Variants in GHITM observed in about 807,000 individuals in gnomAD.
GHITM encodes the protein growth hormone inducible transmembrane protein.
GHITM carries 24 observed loss-of-function variants against 38.7 expected under a neutral mutation model. That is an observed-to-expected ratio of 0.62 (90% CI 0.45 to 0.87). The LOEUF (loss-of-function observed/expected upper bound fraction) is 0.87. GHITM is among the 40% of genes least tolerant of loss of function. The pLI is 0.00. For missense variants in GHITM, 420 were observed against 429.8 expected (o/e 0.98, Z 0.20); for synonymous variants, 154 against 147.8 (o/e 1.04, Z -0.30).
At chr10:84,140,416 G>A (rs1334527785) in intron 1 of GHITM, 1 of 152,088 alleles carries the variant, frequency 6.6e-6, no homozygotes, top group African/African-American at 2.4e-5. Context: ...TTATTCCTAG[G>A]GGTAGAATCA....
rs763265490 is a variant in GHITM, at chr10:84,139,599, G to T, written c.-40+6G>T. 3 of 152,356 alleles carry T rather than the reference G, an allele frequency of 2.0e-5. No homozygotes were observed. Among genetic ancestry groups the T allele is most frequent in the Admixed American group, 6.5e-5 (1 of 15,290 alleles). 9.4% of individuals were successfully genotyped at this position (152,356 alleles called of 1,614,324 possible). ...GAAGGTGACCGGGGACCGAGGTACT[G>T]CTCCGGCTGGCCGGCGGGCGCCCGG... On this transcript the variant is annotated splice_donor_region_variant and intron_variant, in intron 1 of 8. Transcript: ENST00000372134.
At chr10:84,145,773 C>T (rs1240073280) in intron 5 of GHITM, among the ~76,000 whole-genome samples, 2 of 152,208 alleles carry the variant, frequency 1.3e-5, no homozygotes, top group East Asian at 1.9e-4. Flanking sequence ...GAATAAGTGG[C>T]ACAGATACGC....
rs765617782 is a variant in GHITM, at chr10:84,145,009, C to T, written c.476C>T (p.Ser159Phe). ...CTCATGAACTTCATGATGAGAGGCT[C>T]TTGGGTGGTAAGTCAGCTGTTTTTG... is the stretch of plus-strand genomic sequence containing the variant. ...PVLMNFMMRG[S>F]WVTIGVTFAA... Residue 159 changes from serine to phenylalanine, a missense_variant, in exon 5 of 9, where the codon TCT (serine) becomes TTT (phenylalanine). By Grantham distance (155) the Ser-to-Phe change is radical. Transcript: ENST00000372134. 19 of 1,595,026 alleles carry T rather than the reference C, an allele frequency of 1.2e-5. No homozygotes were observed. Among genetic ancestry groups the T allele is most frequent in the Middle Eastern group, 1.7e-4 (1 of 5,994 alleles).
intron 3 of GHITM, 110 bp downstream of exon 3, chr10:84,142,864 A>G (rs1841521122): frequency 1.7e-5 from 9 of 541,054 alleles, no homozygotes; most frequent in Non-Finnish European, 3.0e-5. Flanking sequence ...TGGGAAGACC[A>G]CATTATTATT....
intron 8 of GHITM, among the ~76,000 whole-genome samples, 153 bp from the exon 9 acceptor site, chr10:84,152,111 C>T (rs945363007): frequency 2.0e-5 from 3 of 152,116 alleles, no homozygotes; most frequent in African/African-American, 7.2e-5. Flanking sequence ...ATTTTCTAGT[C>T]TAGTACTTCA....
At chr10:84,142,590 A>G in intron 2 of GHITM, 65 bp from the exon 3 acceptor site, 1 of 1,011,714 alleles carries the variant, frequency 9.9e-7, no homozygotes, top group Non-Finnish European at 1.5e-6. Context: ...GGGATCTTGC[A>G]TTTTATTTTA....
intron 7 of GHITM, 126 bp downstream of exon 7, chr10:84,150,369 C>T: frequency 2.8e-6 from 2 of 714,586 alleles, no homozygotes; most frequent in Non-Finnish European, 4.4e-6. Flanking sequence ...GCTAATTTGA[C>T]TGGATTTTAC....
chr10:84,141,281 A>G (rs1039725846), intron 1 of GHITM, among the ~76,000 whole-genome samples, 181 bp from the exon 2 acceptor site: 3 of 152,218 alleles, frequency 2.0e-5, no homozygotes, highest in Non-Finnish European at 4.4e-5. Context: ...GGTTTCTTGC[A>G]TTACAGTGGA....
intron 6 of GHITM, among the ~76,000 whole-genome samples, chr10:84,149,724 T>C (rs1196045897): frequency 6.6e-6 from 1 of 152,204 alleles, no homozygotes; most frequent in Non-Finnish European, 1.5e-5. Context: ...TTTAAGCTTG[T>C]TTATCTCAAT....
chr10:84,150,873 A>T lies in GHITM; in HGVS notation c.946A>T (p.Ile316Phe). 6.3e-7 allele frequency: 1 copy of T among 1,594,698 alleles called. No individual in the cohort carries two copies. ...GTATGGAGTTCAAAAATATGATCCC[A>T]TTAACTCGTAAGTAATGCTTTTTAT... ...PMYGVQKYDPINSMLSIYMDT... is the reference protein window; with the variant it reads ...PMYGVQKYDPFNSMLSIYMDT... The change falls in exon 8 of 9, where the codon ATT becomes TTT. Residue 316 changes from isoleucine to phenylalanine, a missense_variant. Physicochemically the swap from Ile to Phe is conservative, Grantham distance 21 (BLOSUM62 0). Transcript: ENST00000372134.
rs761095436 is a variant in GHITM at position 84,152,367 on chromosome 10, T to G, written c.*19T>G. The G allele has an allele frequency of 1.4e-6, 2 of 1,413,910 alleles. No homozygotes were observed. Among genetic ancestry groups the G allele is most frequent in the Non-Finnish European group, 2.0e-6 (2 of 1,001,576 alleles). 87.6% of individuals were successfully genotyped at this position (1,413,910 alleles called of 1,614,324 possible). A position where few individuals can be genotyped will look rare whatever the true frequency, so the allele number is the denominator to read the frequency against. The stretch of plus-strand genomic sequence containing the variant: ...GAAATGAAGTGACTCAGCTTCTGGC[T>G]TCTCTGCTACATCAAATATCTTGTT... On this transcript the variant is annotated 3_prime_UTR_variant, in exon 9 of 9. Coordinates refer to ENST00000372134, the MANE Select transcript of GHITM (RefSeq NM_014394.3).
Position 84,141,485 on chromosome 10 carries a change from C to T in GHITM, c.-16C>T. 1 of 1,612,736 alleles carries T rather than the reference C, an allele frequency of 6.2e-7. No homozygotes were observed. On this transcript the variant is annotated 5_prime_UTR_variant, in exon 2 of 9. Coordinates refer to ENST00000372134, the MANE Select transcript of GHITM (RefSeq NM_014394.3). ...AGCATTTCAGATCTGCTCGGTAGAC[C>T]TGGTGCACCACCACCATGTTGGCTG...
chr10:84,144,202 G>T (rs1841534681), intron 4 of GHITM, 96 bp downstream of exon 4: 1 of 754,594 alleles, frequency 1.3e-6, no homozygotes, highest in East Asian at 2.5e-5. Context: ...AGTCACTTTG[G>T]AATGTTTTGT....
chr10:84,152,437 G>A lies in GHITM; in HGVS notation c.*89G>A, dbSNP rs191920969. The A allele has an allele frequency of 7.8e-5, 51 of 656,392 alleles. No individual in the cohort carries two copies. The highest frequency in any genetic ancestry group is 3.9e-4 in the Admixed American group (14 of 35,606). The allele number at this position is 656,392 out of a possible 1,614,324, so 40.7% of individuals were successfully genotyped here. ...TAAATAGTTTGTACAAGCAGCTTTC[G>A]TTGAAGTTTAGAAGATAAGAAACAT... On this transcript the variant is annotated 3_prime_UTR_variant, in exon 9 of 9. Transcript: ENST00000372134.
intron 4 of GHITM, 143 bp from the exon 5 acceptor site, chr10:84,144,732 T>C (rs573597372): frequency 1.9e-6 from 1 of 519,900 alleles, no homozygotes. Context: ...TATGCATAAT[T>C]ATCATAATTA....
chr10:84,152,557 A>G lies in GHITM; in HGVS notation c.*209A>G. 1 of 395,904 alleles carries G rather than the reference A, an allele frequency of 2.5e-6. No individual in the cohort carries two copies. Among genetic ancestry groups the G allele is most frequent in the Non-Finnish European group, 4.5e-6 (1 of 223,454 alleles). The allele number at this position is 395,904 out of a possible 1,614,324, so 24.5% of individuals were successfully genotyped here. A position where few individuals can be genotyped will look rare whatever the true frequency, so the allele number is the denominator to read the frequency against. On this transcript the variant is annotated 3_prime_UTR_variant, in exon 9 of 9. Coordinates refer to ENST00000372134, the MANE Select transcript of GHITM (RefSeq NM_014394.3). ...GTAATCCTCTCCCAAATAAGCACAC[A>G]CATTTTCAATTCTCATGTTTGAGTG... is the stretch of plus-strand genomic sequence containing the variant.
At chr10:84,142,895 A>G (rs780529790) in intron 3 of GHITM, 141 bp downstream of exon 3, 4 of 501,568 alleles carry the variant, frequency 8.0e-6, no homozygotes, top group Non-Finnish European at 1.4e-5. Context: ...ACGACCCAGA[A>G]AAGATTGGTA....
intron 7 of GHITM, 22 bp downstream of exon 7, chr10:84,150,265 C>T: frequency 6.5e-7 from 1 of 1,530,852 alleles, no homozygotes. Context: ...TGTTTTAACA[C>T]TTAATTCTTG....
At chr10:84,149,690 T>C (rs988852295) in intron 6 of GHITM, among the ~76,000 whole-genome samples, 7 of 152,246 alleles carry the variant, frequency 4.6e-5, no homozygotes, top group Admixed American at 2.0e-4. Context: ...TTGACAGCAG[T>C]AGGTTTGACC....
Sources: allele counts gnomAD v4.1 joint callset (sites outside exome capture counted in the v4.1 genomes callset), GRCh38; gene constraint gnomAD v4.1.1; transcripts MANE v1.5; gene names NCBI Gene and HGNC (gene_info 2026-07-23, HGNC 2026-07-21).